Variants in RFC3 observed in about 807,000 individuals in gnomAD.
RFC3 encodes the protein replication factor C subunit 3, also known as A1 38 kDa subunit.
In RFC3, 41 loss-of-function variants were observed where a neutral mutation model predicts 45.1. That is an observed-to-expected ratio of 0.91 (90% CI 0.71 to 1.18). RFC3 has a LOEUF of 1.18. Ranked by LOEUF, RFC3 falls within the 50% of genes most tolerant of loss-of-function variation. The pLI is 0.00. For missense variants in RFC3, 423 were observed against 428.1 expected (o/e 0.99, Z 0.10); for synonymous variants, 149 against 144.0 (o/e 1.03, Z -0.25).
chr13:33,898,599 C>T (rs1405018703), intron 8 of RFC3, among the ~76,000 whole-genome samples: 1 of 151,566 alleles, frequency 6.6e-6, no homozygotes, highest in Non-Finnish European at 1.5e-5. Context: ...CCTCAATGTA[C>T]TAGGGAGGTA....
At chr13:33,917,497 G>C (rs919770880) in intron 8 of RFC3, among the ~76,000 whole-genome samples, 1 of 152,034 alleles carries the variant, frequency 6.6e-6, no homozygotes, top group African/African-American at 2.4e-5. Context: ...TGTTTCCTTA[G>C]AGTTAAGCTA....
At position 33,836,571 on chromosome 13, in the gene RFC3, T is replaced by G; in HGVS notation, c.*276T>G. 1 of 1,103,900 alleles carries G rather than the reference T, an allele frequency of 9.1e-7. No homozygotes were observed. Among genetic ancestry groups the G allele is most frequent in the Non-Finnish European group, 1.1e-6 (1 of 902,820 alleles). 68.4% of individuals were successfully genotyped at this position (1,103,900 alleles called of 1,614,324 possible). A position where few individuals can be genotyped will look rare whatever the true frequency, so the allele number is the denominator to read the frequency against. ...TGGTTATTCAAGTATTCATTGTTGA[T>G]CCTCCTATTCTCTTCCGTCTAATCT... is the stretch of plus-strand genomic sequence containing the variant. On this transcript the variant is annotated 3_prime_UTR_variant, in exon 9 of 9. Transcript: ENST00000380071.
At chr13:33,856,450 A>G (rs1465657217) in intron 8 of RFC3, among the ~76,000 whole-genome samples, 1 of 152,210 alleles carries the variant, frequency 6.6e-6, no homozygotes, top group African/African-American at 2.4e-5. Context: ...AAATTTACCT[A>G]TGTAACAAAC....
chr13:33,903,867 A>G (rs9315269), intron 8 of RFC3, among the ~76,000 whole-genome samples: 26,862 of 151,956 alleles, frequency 0.18, 5,128 homozygotes, highest in African/African-American at 0.48. Flanking sequence ...ACAGAAACTC[A>G]GTATCTCATT....
rs2082101012 is a variant in RFC3 at position 33,831,260 on chromosome 13, C to T, written c.715C>T (p.Pro239Ser). 6.3e-7 allele frequency: 1 copy of T among 1,578,022 alleles called. No individual in the cohort carries two copies. The highest frequency in any genetic ancestry group is 1.7e-4 in the Middle Eastern group (1 of 5,990). ...TGTTCTCTTTTTGTCATGTAGATAT[C>T]CTTTTACTGCAGATCAAGAAATCCC... ...MCEACRVQQY[P>S]FTADQEIPET... Residue 239 changes from proline (P) to serine (S), a missense_variant, in exon 7 of 9, where the codon CCT (proline) becomes TCT (serine). Pro to Ser is a moderately conservative substitution (Grantham distance 74, BLOSUM62 -1). Coordinates refer to ENST00000380071, the MANE Select transcript of RFC3 (RefSeq NM_002915.4).
intron 8 of RFC3, among the ~76,000 whole-genome samples, chr13:33,853,264 G>C (rs981479889): frequency 2.0e-5 from 3 of 152,092 alleles, no homozygotes. Context: ...AATATCTTAA[G>C]TTCTAACCCT....
At chr13:33,967,606 G>C (rs961243383), downstream of RFC3, among the ~76,000 whole-genome samples, 29 of 149,328 alleles carry the variant, frequency 1.9e-4, no homozygotes, top group Non-Finnish European at 4.1e-4. Context: ...TCCTGCCTCA[G>C]CCACCCAAGT....
At chr13:33,894,181 GA>G (rs1418067658) in intron 8 of RFC3, among the ~76,000 whole-genome samples, 1 of 152,194 alleles carries the variant, frequency 6.6e-6, no homozygotes, top group Non-Finnish European at 1.5e-5. Context: ...TAAGTCCCCA[GA>G]GTGTGAGAGG....
intron 8 of RFC3, chr13:33,850,665 G>A (rs953139651): frequency 1.3e-5 from 2 of 152,092 alleles, no homozygotes; most frequent in African/African-American, 4.8e-5. Context: ...ATTAGCAAAA[G>A]TATATCTAAA....
At chr13:33,852,574 T>C (rs915936905) in intron 8 of RFC3, among the ~76,000 whole-genome samples, 1 of 151,990 alleles carries the variant, frequency 6.6e-6, no homozygotes, top group Admixed American at 6.6e-5. Context: ...ACCAGGAACA[T>C]TGAGAAATAA....
intron 8 of RFC3, among the ~76,000 whole-genome samples, chr13:33,934,314 C>G (rs1310974120): frequency 6.6e-6 from 1 of 151,802 alleles, no homozygotes; most frequent in African/African-American, 2.4e-5. Context: ...GCCTGGGTGA[C>G]AAAGTGAGAC....
chr13:33,864,788 G>A (rs2082362614), intron 8 of RFC3, among the ~76,000 whole-genome samples: 1 of 151,756 alleles, frequency 6.6e-6, no homozygotes, highest in Non-Finnish European at 1.5e-5. Context: ...GGAGTTATTT[G>A]ATAGGGGATC....
chr13:33,821,428 A>T (rs2082003222), intron 2 of RFC3, among the ~76,000 whole-genome samples, 159 bp downstream of exon 2: 1 of 152,208 alleles, frequency 6.6e-6, no homozygotes, highest in Admixed American at 6.5e-5. Flanking sequence ...ACTGATATGG[A>T]TCTGTTATAA....
downstream of RFC3, among the ~76,000 whole-genome samples, chr13:33,966,812 C>G (rs17676901): frequency 0.054 from 8,226 of 152,118 alleles, 314 homozygotes; most frequent in Middle Eastern, 0.1. Context: ...ATTTCTTGGA[C>G]AAACCAACAT....
At chr13:33,885,352 G>A (rs7333906) in intron 8 of RFC3, among the ~76,000 whole-genome samples, 32,402 of 151,692 alleles carry the variant, frequency 0.21, 7,319 homozygotes, top group African/African-American at 0.56. Context: ...AAAAAACTGC[G>A]TAATTTTAAG....
At chr13:33,823,431 T>G (rs915991449) in intron 2 of RFC3, among the ~76,000 whole-genome samples, 2 of 152,160 alleles carry the variant, frequency 1.3e-5, no homozygotes, top group African/African-American at 4.8e-5. Context: ...TAGGTTGGTG[T>G]GTGACTATAA....
chr13:33,849,462 C>T (rs187599915), intron 8 of RFC3: 2 of 152,306 alleles, frequency 1.3e-5, no homozygotes, highest in South Asian at 2.1e-4. Flanking sequence ...TTCAAGCTAG[C>T]AATGGAAAAT....
the RFC3 span, among the ~76,000 whole-genome samples, chr13:33,974,133 T>C: frequency 3.1e-4 from 47 of 152,280 alleles, no homozygotes; most frequent in African/African-American, 1.1e-3. Context: ...CAAGGTCTGG[T>C]GAATTTGCAC....
chr13:33,850,616 A>G (rs772601402), intron 8 of RFC3: 7 of 152,168 alleles, frequency 4.6e-5, no homozygotes, highest in Non-Finnish European at 8.8e-5. Context: ...AGTTTCATAA[A>G]TGAGTGAGTA....
Sources: gnomAD v4.1 joint callset for allele counts (sites outside exome capture counted in the v4.1 genomes callset) on GRCh38, gnomAD v4.1.1 for gene constraint, MANE v1.5 for transcripts, NCBI Gene and HGNC (gene_info 2026-07-23, HGNC 2026-07-21) for gene names.